HROB: variants seen among roughly 807,000 people sequenced by gnomAD.
The protein encoded by HROB is homologous recombination OB-fold protein.
In HROB, 44 loss-of-function variants were observed where a neutral mutation model predicts 61.0. That is an observed-to-expected ratio of 0.72 (90% CI 0.57 to 0.93). HROB has a LOEUF of 0.93. HROB is among the 40% of genes least tolerant of loss of function. The pLI is 0.00. For synonymous variants in HROB, 301 were observed against 310.4 expected (o/e 0.97, Z 0.32); for missense variants, 716 against 796.2 (o/e 0.90, Z 1.21).
At position 44,147,993 on chromosome 17, in the gene HROB, C is replaced by G; in HGVS notation, c.190C>G (p.His64Asp). The G allele has an allele frequency of 6.2e-7, 1 of 1,614,026 alleles. No individual in the cohort carries two copies. Among genetic ancestry groups the G allele is most frequent in the South Asian group, 1.1e-5 (1 of 91,084 alleles). ...ACAGTCCTCCAGGCTGCTGCTGTTACACCCCACTGCTCCCTCAGAGGCTTT... is the reference window on the plus strand; with the variant it reads ...ACAGTCCTCCAGGCTGCTGCTGTTAGACCCCACTGCTCCCTCAGAGGCTTT... ...QAQSSRLLLL[H>D]PTAPSEALGL... The change falls in exon 3 of 10, where the codon CAC becomes GAC. Residue 64 changes from histidine to aspartate, a missense_variant. Transcript: ENST00000585683.
intron 2 of HROB, among the ~76,000 whole-genome samples, chr17:44,145,560 G>A (rs1169949429): frequency 1.3e-5 from 2 of 152,238 alleles, no homozygotes; most frequent in Admixed American, 6.5e-5. Flanking sequence ...GGGAAGGGCT[G>A]TGTATGTAGA....
chr17:44,151,068 T>C (rs759369340), intron 4 of HROB, 24 bp downstream of exon 4: 9 of 1,584,236 alleles, frequency 5.7e-6, no homozygotes, highest in Non-Finnish European at 6.9e-6. Context: ...ATGTTAACTT[T>C]CTGGGTGTGA....
intron 4 of HROB, among the ~76,000 whole-genome samples, chr17:44,151,639 A>G (rs1156980222): frequency 1.3e-5 from 2 of 152,176 alleles, no homozygotes; most frequent in Non-Finnish European, 2.9e-5. Context: ...TGTTAAAGCT[A>G]GAAGCATGCC....
rs573540275 is a variant in HROB at position 44,162,124 on chromosome 17, C to T, written c.*192C>T. ...CTGCGCTGCCCTCACTTTGGGCCTT[C>T]CTTTGCCGTTGGCACCAGAATCCGG... is the stretch of plus-strand genomic sequence containing the variant. On this transcript the variant is annotated 3_prime_UTR_variant, in exon 10 of 10. Transcript: ENST00000585683. The T allele has an allele frequency of 2.5e-5, 14 of 554,362 alleles. No homozygotes were observed. In the Admixed American group the frequency reaches 4.8e-4, roughly 19 times the overall value. The allele number at this position is 554,362 out of a possible 1,614,324, so 34.3% of individuals were successfully genotyped here.
chr17:44,161,465 A>G (rs528384074), intron 9 of HROB, among the ~76,000 whole-genome samples: 7 of 152,286 alleles, frequency 4.6e-5, no homozygotes, highest in South Asian at 2.1e-4. Flanking sequence ...TGAGAAGCCA[A>G]TTAAGGAACT....
chr17:44,157,938 G>T lies in HROB; in HGVS notation c.1876G>T (p.Ala626Ser). The T allele has an allele frequency of 6.2e-7, 1 of 1,611,126 alleles. No individual in the cohort carries two copies. The highest frequency in any genetic ancestry group is 8.5e-7 in the Non-Finnish European group (1 of 1,178,052). Residue 626 changes from alanine (A) to serine (S), a missense_variant, in exon 9 of 10, where the codon GCA becomes TCA. Coordinates refer to ENST00000585683, the MANE Select transcript of HROB (RefSeq NM_001171251.3). ...GTCCCCTGAGGAAGAACTCCCAGAA[G>T]CAGGTAAAGCAGTCAGCCCATCTGG... ...EASPEEELPE[A>S]DDLDGLLSEL...
At chr17:44,153,476 G>A (rs1400499740) in intron 5 of HROB, among the ~76,000 whole-genome samples, 1 of 151,986 alleles carries the variant, frequency 6.6e-6, no homozygotes, top group East Asian at 1.9e-4. Flanking sequence ...ACCCAAGGCC[G>A]GGCGTGGTGG....
chr17:44,154,700 G>T (rs1171891561), intron 6 of HROB, 36 bp downstream of exon 6: 2 of 1,603,314 alleles, frequency 1.2e-6, no homozygotes, highest in African/African-American at 2.7e-5. Context: ...TGGTGAGTGG[G>T]CTCCATTGAG....
At chr17:44,142,630 G>GC in intron 1 of HROB, among the ~76,000 whole-genome samples, 1 of 151,816 alleles carries the variant, frequency 6.6e-6, no homozygotes, top group Non-Finnish European at 1.5e-5. Flanking sequence ...TGCGGCTCTG[G>GC]CATCTGGGGT....
At position 44,147,885 on chromosome 17, in the gene HROB, G is replaced by C; in HGVS notation, c.82G>C (p.Glu28Gln). 6.2e-7 allele frequency: 1 copy of C among 1,613,704 alleles called. No individual in the cohort carries two copies. Among genetic ancestry groups the C allele is most frequent in the Non-Finnish European group, 8.5e-7 (1 of 1,179,714 alleles). ...TTTCTTGTCTGCTGTGGAGGATGCA[G>C]AGAACCGGTTTACTGGCTCACTGCC... is the stretch of plus-strand genomic sequence containing the variant. The part of the protein sequence containing the change: ...EDFLSAVEDA[E>Q]NRFTGSLPVN... Residue 28 changes from glutamate (E) to glutamine (Q), a missense_variant, in exon 3 of 10, where the codon GAG becomes CAG. By Grantham distance (29) the Glu-to-Gln change is conservative. Transcript: ENST00000585683.
chr17:44,162,181 G>T lies in HROB; in HGVS notation c.*249G>T. The stretch of plus-strand genomic sequence containing the variant: ...ACTGGCTCTCCAGCCAACAAGAAAG[G>T]CCTGTCACCCTCGCCTTGGGTGTCC... On this transcript the variant is annotated 3_prime_UTR_variant, in exon 10 of 10. Transcript: ENST00000585683. 1 of 493,270 alleles carries T rather than the reference G, an allele frequency of 2.0e-6. No individual in the cohort carries two copies. The highest frequency in any genetic ancestry group is 3.6e-6 in the Non-Finnish European group (1 of 274,458). 30.6% of individuals were successfully genotyped at this position (493,270 alleles called of 1,614,324 possible). A position where few individuals can be genotyped will look rare whatever the true frequency, so the allele number is the denominator to read the frequency against.
In HROB at chr17:44,162,092, C is replaced by G; in HGVS notation, c.*160C>G. 1.4e-6 allele frequency: 1 copy of G among 712,120 alleles called. No homozygotes were observed. The highest frequency in any genetic ancestry group is 2.3e-6 in the Non-Finnish European group (1 of 436,408). 44.1% of individuals were successfully genotyped at this position (712,120 alleles called of 1,614,324 possible). On this transcript the variant is annotated 3_prime_UTR_variant, in exon 10 of 10. Transcript: ENST00000585683. Reference sequence around the variant, plus strand: ...CCTGGGTGTTTTCCCTGAGAGCCCCCTCATCTCTGCGCTGCCCTCACTTTG... The same window carrying G: ...CCTGGGTGTTTTCCCTGAGAGCCCCGTCATCTCTGCGCTGCCCTCACTTTG...
At chr17:44,150,903 T>A in intron 3 of HROB, 58 bp from the exon 4 acceptor site, 1 of 1,400,226 alleles carries the variant, frequency 7.1e-7, no homozygotes, top group East Asian at 2.3e-5. Context: ...CAATAAGCTG[T>A]ACTTGTAAAT....
Position 44,149,024 on chromosome 17 carries a change from C to T in HROB, c.1221C>T (p.His407=). 6.2e-7 allele frequency: 1 copy of T among 1,612,338 alleles called. No homozygotes were observed. Among genetic ancestry groups the T allele is most frequent in the Non-Finnish European group, 8.5e-7 (1 of 1,178,860 alleles). ...CTGGCCCAGCTGGGATCCTGCCTCA[C>T]CAGGTGAGTGAGCTGGCTTTCTAGG... ...RFPGPAGILP[H]QQSGRSLEDI... Residue 407 remains histidine, a synonymous_variant, in exon 3 of 10, where the codon CAC becomes CAT. Transcript: ENST00000585683.
At chr17:44,145,281 G>A (rs757807182) in intron 2 of HROB, 28 bp downstream of exon 2, 87 of 1,612,582 alleles carry the variant, frequency 5.4e-5, no homozygotes, top group Non-Finnish European at 6.8e-5. Context: ...ATCAGAGGTG[G>A]CAGACGAGGT....
At chr17:44,156,455 C>G (rs1038363461) in intron 8 of HROB, among the ~76,000 whole-genome samples, 2 of 152,156 alleles carry the variant, frequency 1.3e-5, no homozygotes, top group African/African-American at 4.8e-5. Context: ...AACTCCTGAC[C>G]TCAGGTGATT....
chr17:44,146,900 A>G (rs1256434184), intron 2 of HROB, among the ~76,000 whole-genome samples: 1 of 152,144 alleles, frequency 6.6e-6, no homozygotes, highest in African/African-American at 2.4e-5. Flanking sequence ...TGAAGGTGTC[A>G]ATCTCACCTT....
chr17:44,149,105 C>G lies in HROB; in HGVS notation c.1224+78C>G, dbSNP rs548769282. 7.3e-6 allele frequency: 10 copies of G among 1,373,360 alleles called. No individual in the cohort carries two copies. In the East Asian group the frequency reaches 2.2e-4, roughly 30 times the overall value. 85.1% of individuals were successfully genotyped at this position (1,373,360 alleles called of 1,614,324 possible). ...CCAGCACTGTCCAGCCCTAGCATAT[C>G]TTCCCTCTTGCAGAGAAGGAAGGAA... On this transcript the variant is annotated intron_variant, in intron 3 of 9. Transcript: ENST00000585683.
intron 8 of HROB, among the ~76,000 whole-genome samples, chr17:44,156,277 C>A (rs2053966806): frequency 6.6e-6 from 1 of 151,900 alleles, no homozygotes; most frequent in Non-Finnish European, 1.5e-5. Flanking sequence ...GCTCTGTCAC[C>A]CAGGCCAGAG....
Sources: allele counts gnomAD v4.1 joint callset (sites outside exome capture counted in the v4.1 genomes callset), GRCh38; gene constraint gnomAD v4.1.1; transcripts MANE v1.5; gene names NCBI Gene and HGNC (gene_info 2026-07-23, HGNC 2026-07-21).